Variants in FRAS1 observed in about 807,000 individuals in gnomAD.
The protein encoded by FRAS1 is Fraser extracellular matrix complex subunit 1.
In FRAS1, 290 loss-of-function variants were observed where a neutral mutation model predicts 435.2. The ratio of observed to expected loss-of-function variants is 0.67; its 90% confidence interval spans 0.61 to 0.73. The LOEUF is 0.73. FRAS1 is among the 30% of genes least tolerant of loss of function. The pLI is 0.00. For missense variants in FRAS1, 4,860 were observed against 5,001.5 expected, an observed-to-expected ratio of 0.97 and a Z score of 0.85; for synonymous variants, 1,800 against 1,851.0, an observed-to-expected ratio of 0.97 and a Z score of 0.71.
intron 47 of FRAS1, 55 bp downstream of exon 47, chr4:78,452,409 T>G: frequency 7.3e-7 from 1 of 1,364,058 alleles, no homozygotes; most frequent in Non-Finnish European, 1.0e-6. Flanking sequence ...TAGTAAGTAT[T>G]GAGGGCAGCC....
At chr4:78,366,013 A>G (rs892833230) in intron 22 of FRAS1, among the ~76,000 whole-genome samples, 1 of 152,028 alleles carries the variant, frequency 6.6e-6, no homozygotes, top group South Asian at 2.1e-4. Context: ...ACTCATAATT[A>G]TAGACAATTA....
chr4:78,327,431 G>A (rs184984108), intron 18 of FRAS1, among the ~76,000 whole-genome samples: 1 of 152,182 alleles, frequency 6.6e-6, no homozygotes, highest in Non-Finnish European at 1.5e-5. Flanking sequence ...CACTTTTGTT[G>A]TATCATTAAA....
In FRAS1 at chr4:78,439,100, A is replaced by G. The variant is rs190115805; in HGVS notation, c.5529+36A>G. 66 of 1,551,838 alleles carry G rather than the reference A, an allele frequency of 4.3e-5. No homozygotes were observed. The East Asian group carries it at 1.4e-3, about 34-fold the overall frequency. Reference sequence around the variant, plus strand: ...CTCAGATCAATAAACAGTGAGTACTATAGAGAGCTGGAATCCGTAGTAATG... The same window carrying G: ...CTCAGATCAATAAACAGTGAGTACTGTAGAGAGCTGGAATCCGTAGTAATG... On this transcript the variant is annotated intron_variant, in intron 40 of 73. Coordinates refer to ENST00000512123, the MANE Select transcript of FRAS1 (RefSeq NM_025074.7).
chr4:78,094,621 C>CTG (rs1420311692), intron 2 of FRAS1, among the ~76,000 whole-genome samples: 2 of 152,138 alleles, frequency 1.3e-5, no homozygotes, highest in Admixed American at 1.3e-4. Context: ...GAGTTGAGAG[C>CTG]TGACCTTTCA....
At chr4:78,128,033 G>A (rs1560538930) in intron 2 of FRAS1, among the ~76,000 whole-genome samples, 1 of 151,738 alleles carries the variant, frequency 6.6e-6, no homozygotes, top group African/African-American at 2.4e-5. Flanking sequence ...ATAGTTTGCT[G>A]AGGATGATGG....
At chr4:78,369,768 C>G in intron 22 of FRAS1, 70 bp from the exon 23 acceptor site, 1 of 1,425,904 alleles carries the variant, frequency 7.0e-7, no homozygotes, top group Admixed American at 2.0e-5. Flanking sequence ...CAACATCTGT[C>G]TAGGTTTGAT....
chr4:78,277,702 A>C (rs1727123305), intron 9 of FRAS1, among the ~76,000 whole-genome samples: 2 of 152,224 alleles, frequency 1.3e-5, no homozygotes, highest in Non-Finnish European at 2.9e-5. Flanking sequence ...ATTTTGTAAA[A>C]AAATAAAAAT....
chr4:78,130,147 T>TA (rs1181389696), intron 2 of FRAS1, among the ~76,000 whole-genome samples: 8 of 152,028 alleles, frequency 5.3e-5, no homozygotes, highest in African/African-American at 1.7e-4. Context: ...ACCTTGTACT[T>TA]ACTTCTGTGA....
chr4:78,097,803 G>A (rs1023554036), intron 2 of FRAS1, among the ~76,000 whole-genome samples: 2 of 152,164 alleles, frequency 1.3e-5, no homozygotes, highest in African/African-American at 4.8e-5. Flanking sequence ...CCTAACCTTA[G>A]TACTTCAGAA....
chr4:78,304,454 T>G (rs1243616427), intron 14 of FRAS1, among the ~76,000 whole-genome samples: 1 of 152,234 alleles, frequency 6.6e-6, no homozygotes, highest in East Asian at 1.9e-4. Flanking sequence ...CAGTTCCTCC[T>G]TGTACCTCTG....
intron 12 of FRAS1, 100 bp downstream of exon 12, chr4:78,283,067 T>G: frequency 1.1e-6 from 1 of 889,254 alleles, no homozygotes; most frequent in Non-Finnish European, 1.6e-6. Context: ...TTTTTATTTT[T>G]AGTTAACCAA....
chr4:78,464,926 C>T (rs1334891594), intron 49 of FRAS1, among the ~76,000 whole-genome samples: 1 of 152,140 alleles, frequency 6.6e-6, no homozygotes, highest in Non-Finnish European at 1.5e-5. Context: ...TTAGCATGAA[C>T]AGGGATTTTC....
At chr4:78,075,563 T>G (rs28366819) in intron 2 of FRAS1, among the ~76,000 whole-genome samples, 23,655 of 152,124 alleles carry the variant, frequency 0.16, 2,109 homozygotes, top group African/African-American at 0.24. Context: ...CATGGTGAAG[T>G]GGCAGAGCTC....
At chr4:78,115,609 G>A (rs13119770) in intron 2 of FRAS1, among the ~76,000 whole-genome samples, 32,868 of 151,796 alleles carry the variant, frequency 0.22, 3,871 homozygotes, top group Admixed American at 0.29. Context: ...TTTCTAGTTT[G>A]TTTGTGTAGA....
In FRAS1 at chr4:78,387,631, T is replaced by C. The variant is rs557891280; in HGVS notation, c.3905T>C (p.Val1302Ala). Residue 1302 changes from valine (V) to alanine (A), a missense_variant, in exon 29 of 74, where the codon GTT becomes GCT. By Grantham distance (64) the Val-to-Ala change is moderately conservative. Coordinates refer to ENST00000512123, the MANE Select transcript of FRAS1 (RefSeq NM_025074.7). ...AHDGSDSTSD[V>A]AVLQANDGHS... ...GATGGTTCAGACAGCACATCCGATG[T>C]TGCAGTCTTGCAGGCCAATGATGGA... 12 of 1,607,734 alleles carry C rather than the reference T, an allele frequency of 7.5e-6. No individual in the cohort carries two copies. In the African/African-American group the frequency reaches 1.6e-4, roughly 21 times the overall value.
At chr4:78,537,383 C>T (rs6533756) in intron 72 of FRAS1, among the ~76,000 whole-genome samples, 183 bp downstream of exon 72, 1 of 152,032 alleles carries the variant, frequency 6.6e-6, no homozygotes, top group Non-Finnish European at 1.5e-5. Flanking sequence ...CGATGAGTAA[C>T]AAGACAAACT....
chr4:78,534,704 T>A (rs4975140), intron 71 of FRAS1, 89 bp downstream of exon 71: 1,264,304 of 1,280,752 alleles, frequency 0.99, 625,228 homozygotes, highest in East Asian at 1. Flanking sequence ...TCTGCTCATA[T>A]GCTCTCAGTC....
intron 29 of FRAS1, among the ~76,000 whole-genome samples, chr4:78,388,299 T>TG (rs11388584): frequency 0.024 from 3,364 of 140,806 alleles, 147 homozygotes; most frequent in African/African-American, 0.086. Flanking sequence ...CACTCCAGCC[T>TG]GGGTGACAGA....
intron 1 of FRAS1, among the ~76,000 whole-genome samples, chr4:78,058,562 A>T (rs1160567521): frequency 6.6e-6 from 1 of 152,176 alleles, no homozygotes; most frequent in African/African-American, 2.4e-5. Flanking sequence ...CCTAAAGTCC[A>T]GTTAGGATTT....
Sources: allele counts gnomAD v4.1 joint callset (sites outside exome capture counted in the v4.1 genomes callset), GRCh38; gene constraint gnomAD v4.1.1; transcripts MANE v1.5; gene names NCBI Gene and HGNC (gene_info 2026-07-23, HGNC 2026-07-21).